CDK15: variants seen among roughly 807,000 people sequenced by gnomAD.
CDK15 encodes cyclin-dependent kinase 15.
CDK15 carries 62 observed loss-of-function variants against 60.3 expected under a neutral mutation model. That is an observed-to-expected ratio of 1.03 (90% CI 0.84 to 1.27). The LOEUF is 1.27. CDK15 is among the 50% of genes most tolerant of loss of function. The probability of loss-of-function intolerance (pLI) is 0.00; values close to 1 mark genes in which losing one functional copy is unlikely to be tolerated. For synonymous variants in CDK15, 194 were observed against 195.7 expected (o/e 0.99, Z 0.07); for missense variants, 541 against 527.8 (o/e 1.03, Z -0.25).
intron 10 of CDK15, among the ~76,000 whole-genome samples, chr2:201,857,083 G>A (rs1435264620): frequency 1.2e-5 from 1 of 80,162 alleles, no homozygotes; most frequent in East Asian, 2.6e-4. Context: ...AAAATTAGCC[G>A]GGCGCGGTGG....
rs1172562548 is a variant in CDK15 at position 201,838,972 on chromosome 2, C to T, written c.851+3209C>T. ...GTTGTTTTTTTTTGAGACGGAGTCT[C>T]GCTCGTCGCCCAGGCTGGAGTGCAG... On this transcript the variant is annotated intron_variant, in intron 8 of 13. Coordinates refer to ENST00000652192, the MANE Select transcript of CDK15 (RefSeq NM_001366386.2). Among the ~76,000 whole-genome samples the T allele has an allele frequency of 4.0e-5, 6 of 151,798 alleles. No individual in the cohort carries two copies. In the East Asian group the frequency reaches 1.2e-3, roughly 29 times the overall value.
At chr2:201,807,119 T>C (rs1695544676) in intron 1 of CDK15, among the ~76,000 whole-genome samples, 1 of 152,190 alleles carries the variant, frequency 6.6e-6, no homozygotes, top group African/African-American at 2.4e-5. Context: ...TGCTATGGAT[T>C]TGAAACTTTA....
At chr2:201,853,309 A>G (rs946663002) in intron 9 of CDK15, among the ~76,000 whole-genome samples, 20 of 152,212 alleles carry the variant, frequency 1.3e-4, no homozygotes, top group Non-Finnish European at 2.2e-4. Context: ...TCAAAGAAGG[A>G]AGATTTTACT....
chr2:201,817,486 A>G (rs2106161792), intron 4 of CDK15, among the ~76,000 whole-genome samples: 1 of 152,326 alleles, frequency 6.6e-6, no homozygotes, highest in Non-Finnish European at 1.5e-5. Context: ...TTCTGATTCT[A>G]TCATTGATTC....
At position 201,890,998 on chromosome 2, in the gene CDK15, A is replaced by G. The variant is rs1183401737; in HGVS notation, c.*33+71A>G. The G allele has an allele frequency of 3.9e-6, 3 of 766,048 alleles. No homozygotes were observed. In the African/African-American group the frequency reaches 5.3e-5, roughly 13 times the overall value. The allele number at this position is 766,048 out of a possible 1,614,324, so 47.5% of individuals were successfully genotyped here. A position where few individuals can be genotyped will look rare whatever the true frequency, so the allele number is the denominator to read the frequency against. On this transcript the variant is annotated intron_variant, in intron 13 of 13. Coordinates refer to ENST00000652192, the MANE Select transcript of CDK15 (RefSeq NM_001366386.2). ...GCAATTGGTGCCGGGTGGAGAGGAC[A>G]TTGCTCAGGGATTCAGAGCACCTCT...
intron 3 of CDK15, among the ~76,000 whole-genome samples, chr2:201,811,653 G>A (rs1235933528): frequency 1.3e-5 from 2 of 152,198 alleles, no homozygotes; most frequent in African/African-American, 4.8e-5. Flanking sequence ...GGGACAGTAG[G>A]AGGAAATGAA....
chr2:201,861,698 A>T (rs982472556), intron 10 of CDK15: 6 of 210,956 alleles, frequency 2.8e-5, no homozygotes, highest in Admixed American at 6.5e-5. Flanking sequence ...GTAGGTGGGA[A>T]TACAGGCGCA....
Position 201,807,572 on chromosome 2 carries a change from T to G in CDK15, c.202T>G (p.Phe68Val). 6.2e-7 allele frequency: 1 copy of G among 1,614,158 alleles called. No homozygotes were observed. Among genetic ancestry groups the G allele is most frequent in the Middle Eastern group, 1.6e-4 (1 of 6,062 alleles). ...RGLQAARAQK[F>V]KSKRPRSNSD... ...ACTTCAAGCTGCCCGTGCCCAGAAG[T>G]TCAAGAGTAAAAGGCCACGGAGTAA... is the stretch of plus-strand genomic sequence containing the variant. Residue 68 changes from phenylalanine to valine, a missense_variant, in exon 2 of 14, where the codon TTC becomes GTC. Transcript: ENST00000652192.
rs1006379665 is a variant in CDK15, at chr2:201,861,016, CT to C, written c.1009+6081del. On this transcript the variant is annotated intron_variant, in intron 10 of 13. Transcript: ENST00000652192. ...AGGTCTGCATCTGGGTCGGCATCAG[CT>C]TGGTTGTATGAGCTATTAGCCAAGG... The C allele has an allele frequency of 2.9e-5, 34 of 1,169,926 alleles. No individual in the cohort carries two copies. In the African/African-American group the frequency reaches 4.8e-4, roughly 16 times the overall value. The allele number at this position is 1,169,926 out of a possible 1,614,324, so 72.5% of individuals were successfully genotyped here.
At chr2:201,888,559 C>A in intron 12 of CDK15, 3 of 1,468,696 alleles carry the variant, frequency 2.0e-6, no homozygotes, top group Non-Finnish European at 2.7e-6. Context: ...GAAGGAGAGC[C>A]GCGCTGCAGC....
At chr2:201,838,216 G>T (rs1479001810) in intron 8 of CDK15, among the ~76,000 whole-genome samples, 1 of 151,528 alleles carries the variant, frequency 6.6e-6, no homozygotes, top group Non-Finnish European at 1.5e-5. Flanking sequence ...GGGACATTTG[G>T]CAATGTCTGG....
intron 10 of CDK15, among the ~76,000 whole-genome samples, chr2:201,864,732 G>T (rs901929758): frequency 1.3e-5 from 2 of 152,210 alleles, no homozygotes; most frequent in Non-Finnish European, 2.9e-5. Flanking sequence ...GGAAACAGAA[G>T]GGGGAAGGAA....
intron 10 of CDK15, among the ~76,000 whole-genome samples, chr2:201,862,870 C>T (rs1463037913): frequency 6.6e-6 from 1 of 152,166 alleles, no homozygotes; most frequent in Non-Finnish European, 1.5e-5. Context: ...TGGCCATAAA[C>T]TTTTGCAGGT....
chr2:201,816,867 T>C (rs2106160982), intron 4 of CDK15, among the ~76,000 whole-genome samples: 1 of 152,274 alleles, frequency 6.6e-6, no homozygotes, highest in East Asian at 1.9e-4. Flanking sequence ...TTACCACCCT[T>C]TCCCGTAGCA....
intron 12 of CDK15, among the ~76,000 whole-genome samples, chr2:201,885,265 A>G (rs1278769566): frequency 6.6e-6 from 1 of 152,054 alleles, no homozygotes; most frequent in Non-Finnish European, 1.5e-5. Flanking sequence ...TTTCAAACCT[A>G]TTCTGTTTAT....
At chr2:201,857,744 T>C (rs1035940544) in intron 10 of CDK15, among the ~76,000 whole-genome samples, 2 of 152,176 alleles carry the variant, frequency 1.3e-5, no homozygotes, top group Non-Finnish European at 2.9e-5. Flanking sequence ...TATTGATAAC[T>C]CAATCCCAAG....
Position 201,847,392 on chromosome 2 carries a change from G to A in CDK15, c.863G>A (p.Cys288Tyr). 1 of 1,613,904 alleles carries A rather than the reference G, an allele frequency of 6.2e-7. No homozygotes were observed. Among genetic ancestry groups the A allele is most frequent in the Non-Finnish European group, 8.5e-7 (1 of 1,179,866 alleles). ...ATTTCATTTGCTAGGGGTGCAGGCT[G>A]CATCTTTATTGAAATGTTCCAGGGT... ...SSELDIWGAG[C>Y]IFIEMFQGQP... is the part of the protein sequence containing the mutation. The change falls in exon 9 of 14, where the codon TGC (cysteine) becomes TAC (tyrosine). Residue 288 changes from cysteine (C) to tyrosine (Y), a missense_variant. Transcript: ENST00000652192.
rs545482868 is a variant in CDK15, at chr2:201,821,996, T to C, written c.449-813T>C. ...ACGCCCGGCCTCATGGTCTCTTTAT[T>C]GTACCTTTTCTAGTCTCTGCTTTCC... On this transcript the variant is annotated intron_variant, in intron 4 of 13. Transcript: ENST00000652192. 2.0e-5 allele frequency among the ~76,000 whole-genome samples: 3 copies of C among 152,302 alleles called. No individual in the cohort carries two copies. In the South Asian group the frequency reaches 6.2e-4, roughly 32 times the overall value.
rs771173836 is a variant in CDK15 at position 201,880,174 on chromosome 2, G to A, written c.1198+7G>A. ...CTGTACCAGCTTCCTGATGGTGAGC[G>A]AGGGAGTGTGTGCGTGTGCGTGAGT... On this transcript the variant is annotated splice_region_variant and intron_variant, in intron 12 of 13. Coordinates refer to ENST00000652192, the MANE Select transcript of CDK15 (RefSeq NM_001366386.2). 6.2e-6 allele frequency: 10 copies of A among 1,613,624 alleles called. No individual in the cohort carries two copies. Among genetic ancestry groups the A allele is most frequent in the Admixed American group, 1.7e-5 (1 of 59,976 alleles).
Sources: allele counts gnomAD v4.1 joint callset (sites outside exome capture counted in the v4.1 genomes callset), GRCh38; gene constraint gnomAD v4.1.1; transcripts MANE v1.5; gene names NCBI Gene and HGNC (gene_info 2026-07-23, HGNC 2026-07-21).